The following ZNF670 variants were observed in gnomAD, a reference collection of about 807,000 sequenced individuals.
The protein encoded by ZNF670 is zinc finger protein 670.
A neutral mutation model predicts 10.9 loss-of-function variants in ZNF670; 7 were observed. The observed-to-expected ratio is 0.64, with a 90% CI of 0.36 to 1.20. The LOEUF (loss-of-function observed/expected upper bound fraction) is 1.20, where lower values mean the gene tolerates loss of function less well. Among genes scored for constraint, ZNF670 ranks in the 50% most tolerant of loss-of-function variants. The pLI is 0.02. For synonymous variants in ZNF670, 136 were observed against 152.7 expected (o/e 0.89, Z 0.81); for missense variants, 446 against 458.6 (o/e 0.97, Z 0.25).
At chr1:247,063,779 C>G (rs1042379680) in intron 1 of ZNF670, among the ~76,000 whole-genome samples, 3 of 152,110 alleles carry the variant, frequency 2.0e-5, no homozygotes, top group African/African-American at 4.8e-5. Flanking sequence ...CCACACAAAC[C>G]CTGCACACCA....
chr1:247,058,708 T>A (rs1670779628), intron 1 of ZNF670, among the ~76,000 whole-genome samples: 2 of 101,732 alleles, frequency 2.0e-5, no homozygotes, highest in Non-Finnish European at 2.0e-5. Context: ...CTACAGACAG[T>A]TAAAAAAAAA....
intron 1 of ZNF670, among the ~76,000 whole-genome samples, chr1:247,057,942 G>T (rs1023218907): frequency 6.6e-6 from 1 of 152,166 alleles, no homozygotes; most frequent in Non-Finnish European, 1.5e-5. Flanking sequence ...AAAACAGGAT[G>T]ATTACAGTCA....
chr1:247,044,573 G>A (rs541587442), intron 1 of ZNF670, among the ~76,000 whole-genome samples: 4 of 152,090 alleles, frequency 2.6e-5, no homozygotes, highest in Non-Finnish European at 4.4e-5. Context: ...CATCAATAGT[G>A]GACTGGATTT....
In ZNF670 at chr1:247,036,697, T is replaced by C. The variant is rs1670158838; in HGVS notation, c.*752A>G. 1 of 151,928 alleles carries C rather than the reference T, an allele frequency of 6.6e-6. No homozygotes were observed. Among genetic ancestry groups the C allele is most frequent in the Admixed American group, 6.6e-5 (1 of 15,244 alleles). The allele number at this position is 151,928 out of a possible 1,614,324, so 9.4% of individuals were successfully genotyped here. The stretch of plus-strand genomic sequence containing the variant: ...TAACATTTTTTAAAAAAGTGAACTA[T>C]GCAAGTAACAGCCAAAACTCATGAC... On this transcript the variant is annotated 3_prime_UTR_variant, in exon 4 of 4. Transcript: ENST00000366503.
chr1:247,045,228 G>A (rs1326663996), intron 1 of ZNF670, among the ~76,000 whole-genome samples: 1 of 152,132 alleles, frequency 6.6e-6, no homozygotes, highest in East Asian at 1.9e-4. Context: ...CCAGGCTTAG[G>A]GATCCCCAGT....
In ZNF670 at chr1:247,076,280, G is replaced by A. The variant is rs185272511; in HGVS notation, c.3+2314C>T. 4.5e-3 allele frequency among the ~76,000 whole-genome samples: 678 copies of A among 149,966 alleles called. 7 individuals carry two copies. Among genetic ancestry groups the A allele is most frequent in the African/African-American group, 0.015 (619 of 40,812 alleles). ...TGAATTTTTTTTTTTTTTTTGGGACGGAGTCTTGCTCTGTCACCCAGGCTG... is the reference window on the plus strand; with the variant it reads ...TGAATTTTTTTTTTTTTTTTGGGACAGAGTCTTGCTCTGTCACCCAGGCTG... On this transcript the variant is annotated intron_variant, in intron 1 of 3. Transcript: ENST00000366503.
rs1366198694 is a variant in ZNF670 at position 247,036,668 on chromosome 1, A to T, written c.*781T>A. On this transcript the variant is annotated 3_prime_UTR_variant, in exon 4 of 4. Transcript: ENST00000366503. ...CTGACAAAGTGAGACCCTCTCTAAA[A>T]ACATAACATTTTTTAAAAAAGTGAA... 1 of 152,120 alleles carries T rather than the reference A, an allele frequency of 6.6e-6. No homozygotes were observed. Among genetic ancestry groups the T allele is most frequent in the Non-Finnish European group, 1.5e-5 (1 of 68,016 alleles). 9.4% of individuals were successfully genotyped at this position (152,120 alleles called of 1,614,324 possible). A position where few individuals can be genotyped will look rare whatever the true frequency, so the allele number is the denominator to read the frequency against.
chr1:247,065,469 AAAG>A (rs61235756), intron 1 of ZNF670, among the ~76,000 whole-genome samples: 53,543 of 151,948 alleles, frequency 0.35, 10,838 homozygotes, highest in African/African-American at 0.55. Flanking sequence ...GCCTCCGAAA[AAAG>A]AATGACAAGT....
At chr1:247,066,808 G>T (rs1348021777) in intron 1 of ZNF670, among the ~76,000 whole-genome samples, 1 of 152,130 alleles carries the variant, frequency 6.6e-6, no homozygotes, top group Non-Finnish European at 1.5e-5. Flanking sequence ...CCTGCTATCT[G>T]GGGATTTCAT....
chr1:247,049,629 G>A (rs187782518), intron 1 of ZNF670, among the ~76,000 whole-genome samples: 28 of 152,158 alleles, frequency 1.8e-4, no homozygotes, highest in South Asian at 6.2e-4. Flanking sequence ...ATTTGTACTC[G>A]TTCAGACTTT....
At chr1:247,053,050 C>T (rs1302248174) in intron 1 of ZNF670, among the ~76,000 whole-genome samples, 1 of 152,150 alleles carries the variant, frequency 6.6e-6, no homozygotes, top group Non-Finnish European at 1.5e-5. Context: ...CTGTATCATA[C>T]AGGCTGCCAG....
chr1:247,075,637 GCT>G (rs140900586), intron 1 of ZNF670, among the ~76,000 whole-genome samples: 23 of 150,262 alleles, frequency 1.5e-4, no homozygotes, highest in East Asian at 3.9e-4. Context: ...CCCTGCACAA[GCT>G]CTCTCTCTCT....
chr1:247,069,791 CA>C (rs1671073679), intron 1 of ZNF670, among the ~76,000 whole-genome samples: 1 of 152,086 alleles, frequency 6.6e-6, no homozygotes, highest in Admixed American at 6.6e-5. Flanking sequence ...ATCTAAAAAT[CA>C]AAACAACTGA....
chr1:247,049,917 T>G (rs1218380036), intron 1 of ZNF670, among the ~76,000 whole-genome samples: 1 of 152,218 alleles, frequency 6.6e-6, no homozygotes, highest in Non-Finnish European at 1.5e-5. Flanking sequence ...TTTCTTAAAT[T>G]TATTGAGACT....
rs200604105 is a variant in ZNF670 at position 247,038,812 on chromosome 1, T to C, written c.189A>G (p.Leu63=). Residue 63 remains leucine (L), a splice_region_variant and synonymous_variant, in exon 3 of 4, where the codon CTA becomes CTG. Coordinates refer to ENST00000366503, the MANE Select transcript of ZNF670 (RefSeq NM_033213.5). ...QDDFKNPGRN[L]SSHVVERLFE... Reference sequence around the variant, plus strand: ...TTGCTCTTGTGAATGCAAATTACCTTAGATTTCTCCCAGGATTTTTGAAGT... The same window carrying C: ...TTGCTCTTGTGAATGCAAATTACCTCAGATTTCTCCCAGGATTTTTGAAGT... 1.2e-6 allele frequency: 2 copies of C among 1,612,456 alleles called. No homozygotes were observed. Among genetic ancestry groups the C allele is most frequent in the South Asian group, 1.1e-5 (1 of 90,954 alleles).
rs774074939 is a variant in ZNF670 at position 247,067,998 on chromosome 1, T to C, written c.3+10596A>G. Reference sequence around the variant, plus strand: ...TATATAAGAAGCTCAAACAACTCTATAGGAAAAAAATCTAATAATCTGATC... The same window carrying C: ...TATATAAGAAGCTCAAACAACTCTACAGGAAAAAAATCTAATAATCTGATC... On this transcript the variant is annotated intron_variant, in intron 1 of 3. Transcript: ENST00000366503. Among the ~76,000 whole-genome samples, 14 of 149,686 alleles carry C rather than the reference T, an allele frequency of 9.4e-5. 2 individuals are homozygous for C. Among genetic ancestry groups the C allele is most frequent in the Non-Finnish European group, 1.3e-4 (9 of 67,814 alleles).
chr1:247,054,726 T>A (rs936355088), intron 1 of ZNF670, among the ~76,000 whole-genome samples: 5 of 152,162 alleles, frequency 3.3e-5, no homozygotes, highest in Non-Finnish European at 7.3e-5. Flanking sequence ...CGTAGCACAT[T>A]CCCAGTTGTG....
Position 247,073,830 on chromosome 1 carries a change from A to G in ZNF670, c.3+4764T>C, listed in dbSNP as rs577960419. Among the ~76,000 whole-genome samples the G allele has an allele frequency of 8.5e-5, 13 of 152,260 alleles. No individual in the cohort carries two copies. The South Asian group carries it at 1.5e-3, about 17-fold the overall frequency. ...TCTATCCTTCTGACCAATTGCTCAT[A>G]AGTCAGAGGTTCCCATCACCCCTTC... On this transcript the variant is annotated intron_variant, in intron 1 of 3. Transcript: ENST00000366503.
chr1:247,067,658 C>T (rs377566822), intron 1 of ZNF670, among the ~76,000 whole-genome samples: 17,838 of 147,344 alleles, frequency 0.12, 1,217 homozygotes, highest in South Asian at 0.2. Flanking sequence ...CCGGCTAAAA[C>T]GGTGAAACCC....
Sources: allele counts gnomAD v4.1 joint callset (sites outside exome capture counted in the v4.1 genomes callset), GRCh38; gene constraint gnomAD v4.1.1; transcripts MANE v1.5; gene names NCBI Gene and HGNC (gene_info 2026-07-23, HGNC 2026-07-21).